ESR1: variants seen among roughly 807,000 people sequenced by gnomAD.
ESR1 encodes the protein estrogen receptor.
In ESR1, 12 loss-of-function variants were observed where a neutral mutation model predicts 52.7. The ratio of observed to expected loss-of-function variants is 0.23; its 90% CI spans 0.15 to 0.37. ESR1 has a LOEUF of 0.37. Among genes scored for constraint, ESR1 ranks in the 10% least tolerant of loss-of-function variants. ESR1 has a pLI of 1.00. For missense variants in ESR1, 584 were observed against 779.7 expected, an observed-to-expected ratio of 0.75 and a Z score of 2.99; for synonymous variants, 305 against 316.8, an observed-to-expected ratio of 0.96 and a Z score of 0.39.
intron 2 of ESR1, among the ~76,000 whole-genome samples, chr6:151,726,204 A>G (rs1305423478): frequency 6.6e-6 from 1 of 152,200 alleles, no homozygotes; most frequent in African/African-American, 2.4e-5. Context: ...ATATCCCTCC[A>G]TCTATTTAAT....
At chr6:151,838,729 T>C (rs2128227156) in intron 1 of ESR1, among the ~76,000 whole-genome samples, 1 of 152,338 alleles carries the variant, frequency 6.6e-6, no homozygotes, top group East Asian at 1.9e-4. Flanking sequence ...GTTATTTACA[T>C]GGATTTCTAA....
At chr6:151,907,253 T>G (rs1797604423) in intron 3 of ESR1, among the ~76,000 whole-genome samples, 1 of 152,118 alleles carries the variant, frequency 6.6e-6, no homozygotes, top group South Asian at 2.1e-4. Context: ...AAATCAAACT[T>G]TAATGAGATT....
chr6:151,888,992 C>T (rs1245806054), intron 3 of ESR1, among the ~76,000 whole-genome samples: 1 of 152,094 alleles, frequency 6.6e-6, no homozygotes, highest in African/African-American at 2.4e-5. Flanking sequence ...TATGTTGAAC[C>T]ATCGTTGCAT....
chr6:151,788,226 C>T (rs1022943944), intron 2 of ESR1, among the ~76,000 whole-genome samples: 2 of 152,122 alleles, frequency 1.3e-5, no homozygotes, highest in Non-Finnish European at 2.9e-5. Flanking sequence ...CCAAGGTCTA[C>T]TATCCAGCAT....
chr6:151,826,519 C>T (rs144393608), intron 1 of ESR1, among the ~76,000 whole-genome samples: 1,700 of 152,324 alleles, frequency 0.011, 10 homozygotes, highest in Non-Finnish European at 0.018. Flanking sequence ...ACTTGATCCT[C>T]AGGCTCTAGA....
intron 1 of ESR1, among the ~76,000 whole-genome samples, chr6:151,692,778 C>T (rs945716837): frequency 5.9e-5 from 9 of 152,288 alleles, no homozygotes; most frequent in African/African-American, 1.4e-4. Context: ...ACAGCAAAAG[C>T]GTACACATCA....
chr6:151,961,640 T>C (rs948864664), intron 4 of ESR1, among the ~76,000 whole-genome samples: 2 of 152,046 alleles, frequency 1.3e-5, no homozygotes, highest in African/African-American at 4.8e-5. Flanking sequence ...TGGGCACATG[T>C]GGTTCTGTGG....
intron 4 of ESR1, among the ~76,000 whole-genome samples, chr6:151,994,854 G>T (rs962202052): frequency 6.6e-6 from 1 of 152,124 alleles, no homozygotes; most frequent in South Asian, 2.1e-4. Flanking sequence ...TGTGCTTAGG[G>T]TATTTTCATT....
intron 3 of ESR1, among the ~76,000 whole-genome samples, chr6:151,894,901 T>C (rs1377679987): frequency 4.6e-5 from 7 of 151,722 alleles, no homozygotes; most frequent in Non-Finnish European, 8.8e-5. Context: ...AATTTTAGGA[T>C]TTTTTTTCTA....
At position 151,871,352 on chromosome 6, in the gene ESR1, G is replaced by A. The variant is rs541676752; in HGVS notation, c.644-9303G>A. 5.3e-5 allele frequency among the ~76,000 whole-genome samples: 8 copies of A among 151,834 alleles called. No individual in the cohort carries two copies. In the East Asian group the frequency reaches 1.2e-3, roughly 22 times the overall value. On this transcript the variant is annotated intron_variant, in intron 2 of 7. Transcript: ENST00000206249. ...TGGCATTGAGTACATTCACATTTTTGTGCAACCGGAACTTTTCATCCTCCC... is the reference window on the plus strand; with the variant it reads ...TGGCATTGAGTACATTCACATTTTTATGCAACCGGAACTTTTCATCCTCCC...
chr6:152,004,955 C>G (rs980726065), intron 4 of ESR1, among the ~76,000 whole-genome samples: 1 of 151,912 alleles, frequency 6.6e-6, no homozygotes, highest in African/African-American at 2.4e-5. Flanking sequence ...AATTTTTTCT[C>G]AAATGAATTC....
rs147642074 is a variant in ESR1 at position 151,796,217 on chromosome 6, T to C, written c.-70-11626T>C. On this transcript the variant is annotated intron_variant, in intron 2 of 2. Transcript: ENST00000404742. ...AAACAAAAAATGAGGAAGATGTTTA[T>C]TTAGTGAAATAGAAAGATATCCAAG... 7.3e-4 allele frequency among the ~76,000 whole-genome samples: 111 copies of C among 151,542 alleles called. 1 individual carries two copies. In the East Asian group the frequency reaches 0.02, roughly 27 times the overall value.
chr6:151,852,644 T>TTG (rs1028682100), intron 2 of ESR1, among the ~76,000 whole-genome samples: 17 of 151,516 alleles, frequency 1.1e-4, no homozygotes, highest in Non-Finnish European at 2.2e-4. Context: ...CAGGTGTTTT[T>TTG]TTTTTTTTTT....
rs532612813 is a variant in ESR1, at chr6:151,764,495, G to T, written c.-70-43348G>T. Among the ~76,000 whole-genome samples the T allele has an allele frequency of 4.2e-3, 633 of 152,218 alleles. 1 individual carries two copies. Among genetic ancestry groups the T allele is most frequent in the African/African-American group, 0.014 (580 of 41,536 alleles). On this transcript the variant is annotated intron_variant, in intron 2 of 2. Transcript: ENST00000404742. The stretch of plus-strand genomic sequence containing the variant: ...TGCGCTTGTCAGGACGGCCAGTGGG[G>T]GGCTGCTGAGCGCAGGGAGTCAGTC...
intron 4 of ESR1, among the ~76,000 whole-genome samples, chr6:151,950,098 C>A (rs1354248139): frequency 6.6e-6 from 1 of 152,200 alleles, no homozygotes; most frequent in African/African-American, 2.4e-5. Flanking sequence ...CTCTTCTTCT[C>A]TTGTCTGCCA....
chr6:152,076,415 G>A (rs570400790), intron 6 of ESR1, among the ~76,000 whole-genome samples: 2 of 152,214 alleles, frequency 1.3e-5, no homozygotes, highest in South Asian at 4.1e-4. Flanking sequence ...TCCCAGTCTT[G>A]GGTATGTCTT....
At chr6:152,023,010 A>G (rs961791865) in intron 5 of ESR1, among the ~76,000 whole-genome samples, 1 of 151,656 alleles carries the variant, frequency 6.6e-6, no homozygotes, top group Non-Finnish European at 1.5e-5. Context: ...AAGAAAAAGG[A>G]TGGTGAATTG....
intron 3 of ESR1, among the ~76,000 whole-genome samples, chr6:151,921,080 C>T (rs1405622582): frequency 1.3e-5 from 2 of 152,028 alleles, no homozygotes; most frequent in East Asian, 3.9e-4. Context: ...TAATGCTCTC[C>T]CTCCCCCAAC....
At chr6:152,022,779 C>G (rs1215427782) in intron 5 of ESR1, among the ~76,000 whole-genome samples, 2 of 151,436 alleles carry the variant, frequency 1.3e-5, no homozygotes, top group African/African-American at 4.9e-5. Context: ...CGAGACCAAC[C>G]TGACCAACAT....
Sources: allele counts gnomAD v4.1 joint callset (sites outside exome capture counted in the v4.1 genomes callset), GRCh38; gene constraint gnomAD v4.1.1; transcripts MANE v1.5; gene names NCBI Gene and HGNC (gene_info 2026-07-23, HGNC 2026-07-21).